The following NAV2 variants were observed in gnomAD, a reference collection of about 807,000 sequenced individuals.
The protein encoded by NAV2 is neuron navigator 2.
In NAV2, 54 loss-of-function variants were observed where a neutral mutation model predicts 223.2. The ratio of observed to expected loss-of-function variants is 0.24; its 90% CI spans 0.19 to 0.30. The LOEUF is 0.30. Among genes scored for constraint, NAV2 ranks in the 10% least tolerant of loss-of-function variants. The pLI, the probability that NAV2 is intolerant of heterozygous loss-of-function variation, is 1.00. For missense variants in NAV2, 2,806 were observed against 3,147.5 expected (o/e 0.89, Z 2.60); for synonymous variants, 1,279 against 1,239.3 (o/e 1.03, Z -0.67).
Position 19,452,267 on chromosome 11 carries a change from A to C in NAV2, c.75+101240A>C, listed in dbSNP as rs1035707301. 2.8e-4 allele frequency among the ~76,000 whole-genome samples: 42 copies of C among 152,206 alleles called. 1 individual carries two copies. Among genetic ancestry groups the C allele is most frequent in the African/African-American group, 1.0e-3 (42 of 41,434 alleles). On this transcript the variant is annotated intron_variant, in intron 1 of 37. Coordinates refer to the NAV2 transcript ENST00000360655. The stretch of plus-strand genomic sequence containing the variant: ...AGAGATTGCTTTTAAAAAATTAAGA[A>C]TCAAATAGTTATGGAAGAACTGCCA...
intron 1 of NAV2, among the ~76,000 whole-genome samples, chr11:19,377,808 C>T (rs890347815): frequency 6.6e-6 from 1 of 152,168 alleles, no homozygotes; most frequent in Admixed American, 6.5e-5. Context: ...TCTGCCATTC[C>T]ATGAAAATTC....
At chr11:19,864,310 G>A (rs971384732) in intron 3 of NAV2, among the ~76,000 whole-genome samples, 3 of 152,140 alleles carry the variant, frequency 2.0e-5, no homozygotes, top group African/African-American at 7.2e-5. Context: ...GTCTTCCTTT[G>A]CATTAATTAT....
chr11:20,088,966 A>C (rs1037491023), intron 26 of NAV2, among the ~76,000 whole-genome samples: 40 of 151,918 alleles, frequency 2.6e-4, no homozygotes, highest in African/African-American at 9.2e-4. Flanking sequence ...TCAAGATAGA[A>C]CCAGTTTTTG....
chr11:19,430,589 A>G (rs936947837), intron 1 of NAV2, among the ~76,000 whole-genome samples: 4 of 152,132 alleles, frequency 2.6e-5, no homozygotes, highest in Non-Finnish European at 5.9e-5. Context: ...TTTTACACAC[A>G]CTTTCAAACA....
chr11:19,578,578 C>T (rs569355724), intron 1 of NAV2, among the ~76,000 whole-genome samples: 2 of 152,178 alleles, frequency 1.3e-5, no homozygotes, highest in Non-Finnish European at 2.9e-5. Context: ...AGCCACCATG[C>T]CCTGGAGGTC....
chr11:19,637,435 T>G (rs745930955), intron 1 of NAV2, among the ~76,000 whole-genome samples: 10 of 152,244 alleles, frequency 6.6e-5, no homozygotes, highest in Non-Finnish European at 1.5e-4. Context: ...TCAACCCATC[T>G]TGCCAATGTT....
intron 1 of NAV2, among the ~76,000 whole-genome samples, chr11:19,494,889 G>A (rs1191416471): frequency 1.3e-5 from 2 of 152,206 alleles, no homozygotes; most frequent in South Asian, 4.1e-4. Context: ...GACCCCCCGG[G>A]CTGTTGTGGT....
intron 31 of NAV2, among the ~76,000 whole-genome samples, chr11:20,100,364 C>T (rs552826538): frequency 2.2e-4 from 33 of 152,264 alleles, no homozygotes; most frequent in South Asian, 1.0e-3. Context: ...CAAATGATCC[C>T]GCCTTGCATT....
At chr11:19,558,042 G>A (rs1002776320) in intron 1 of NAV2, among the ~76,000 whole-genome samples, 9 of 152,158 alleles carry the variant, frequency 5.9e-5, no homozygotes, top group Admixed American at 6.5e-5. Flanking sequence ...GTATAACGTG[G>A]TGCTTATAAA....
chr11:20,059,585 AAAAC>A (rs1470805570), intron 19 of NAV2, among the ~76,000 whole-genome samples: 1 of 152,196 alleles, frequency 6.6e-6, no homozygotes, highest in African/African-American at 2.4e-5. Flanking sequence ...TCTTTAAAAA[AAAAC>A]AAACAAATGA....
chr11:19,470,594 T>C (rs1435758243), intron 1 of NAV2, among the ~76,000 whole-genome samples: 1 of 152,218 alleles, frequency 6.6e-6, no homozygotes, highest in African/African-American at 2.4e-5. Flanking sequence ...GACAATAATC[T>C]ATCGTGACCA....
At chr11:19,788,304 G>C (rs1041737333) in intron 1 of NAV2, among the ~76,000 whole-genome samples, 5 of 152,162 alleles carry the variant, frequency 3.3e-5, no homozygotes, top group African/African-American at 1.2e-4. Context: ...GTCCCCGAGG[G>C]GGGAAAATTG....
intron 1 of NAV2, among the ~76,000 whole-genome samples, chr11:19,612,580 A>T (rs1464272645): frequency 1.3e-5 from 2 of 152,188 alleles, no homozygotes; most frequent in Non-Finnish European, 2.9e-5. Flanking sequence ...TCTCTAGGGC[A>T]GGGGTAAAAT....
At chr11:19,479,362 A>T (rs2133987011) in intron 1 of NAV2, among the ~76,000 whole-genome samples, 1 of 152,300 alleles carries the variant, frequency 6.6e-6, no homozygotes, top group South Asian at 2.1e-4. Flanking sequence ...GTGTTTAAAT[A>T]ATGCTCCACT....
At chr11:19,983,096 GT>G (rs1565696642) in intron 10 of NAV2, among the ~76,000 whole-genome samples, 1 of 152,146 alleles carries the variant, frequency 6.6e-6, no homozygotes, top group Non-Finnish European at 1.5e-5. Context: ...TCCAAGTTTG[GT>G]TTCTGGCTCT....
exon 1 of NAV2, chr11:19,350,845 C>T (rs1432026085): frequency 3.2e-5 from 35 of 1,083,434 alleles, no homozygotes; most frequent in Middle Eastern, 2.0e-4. Context: ...CCTTGGCTGG[C>T]GGGAACTCTG....
intron 11 of NAV2, among the ~76,000 whole-genome samples, chr11:20,028,389 C>T (rs1196469833): frequency 6.6e-6 from 1 of 152,120 alleles, no homozygotes; most frequent in East Asian, 1.9e-4. Context: ...CCCTTCACAT[C>T]TGTATTTCTC....
chr11:19,984,038 G>A (rs554015449), intron 10 of NAV2, 87 bp from the exon 11 acceptor site: 55 of 1,569,730 alleles, frequency 3.5e-5, no homozygotes, highest in East Asian at 2.0e-4. Flanking sequence ...AGCACTTGGC[G>A]GCTGTACAGG....
intron 1 of NAV2, among the ~76,000 whole-genome samples, chr11:19,632,943 A>G (rs527243440): frequency 2.0e-5 from 3 of 152,312 alleles, no homozygotes; most frequent in South Asian, 4.2e-4. Flanking sequence ...TGAAGCCCAA[A>G]GAGTTTGTCA....
Sources: gnomAD v4.1 joint callset for allele counts (sites outside exome capture counted in the v4.1 genomes callset) on GRCh38, gnomAD v4.1.1 for gene constraint, MANE v1.5 for transcripts, NCBI Gene and HGNC (gene_info 2026-07-23, HGNC 2026-07-21) for gene names.